ZSWIM5: variants seen among roughly 807,000 people sequenced by gnomAD.
The protein encoded by ZSWIM5 is zinc finger SWIM domain-containing protein 5.
ZSWIM5 carries 55 observed loss-of-function variants against 119.6 expected under a neutral mutation model. The ratio of observed to expected loss-of-function variants is 0.46; its 90% confidence interval spans 0.37 to 0.58. The LOEUF (loss-of-function observed/expected upper bound fraction) is 0.58, where lower values mean the gene tolerates loss of function less well. ZSWIM5 is among the 20% of genes least tolerant of loss of function. The pLI is 0.00. For missense variants in ZSWIM5, 1,193 were observed against 1,512.8 expected, an observed-to-expected ratio of 0.79 and a Z score of 3.51; for synonymous variants, 537 against 606.9, an observed-to-expected ratio of 0.88 and a Z score of 1.69.
intron 1 of ZSWIM5, among the ~76,000 whole-genome samples, chr1:45,133,023 T>C (rs13374521): frequency 0.021 from 3,142 of 152,336 alleles, 116 homozygotes; most frequent in African/African-American, 0.072. Context: ...TTGATGGACA[T>C]TTGGGTTGGT....
At chr1:45,055,373 G>A (rs1279688944) in intron 4 of ZSWIM5, among the ~76,000 whole-genome samples, 1 of 152,148 alleles carries the variant, frequency 6.6e-6, no homozygotes, top group African/African-American at 2.4e-5. Flanking sequence ...TGATCTGCCT[G>A]CCTTGTCCTC....
At chr1:45,070,257 C>A in intron 2 of ZSWIM5, 1 of 1,470,424 alleles carries the variant, frequency 6.8e-7, no homozygotes, top group South Asian at 1.1e-5. Flanking sequence ...AGAACCAACA[C>A]TTGGAGGTTC....
intron 11 of ZSWIM5, among the ~76,000 whole-genome samples, chr1:45,026,809 T>C (rs1287797531): frequency 6.6e-6 from 1 of 152,200 alleles, no homozygotes; most frequent in Non-Finnish European, 1.5e-5. Context: ...ATTCCTTAAA[T>C]ATTTGGTAGA....
At position 45,206,579 on chromosome 1, in the gene ZSWIM5, T is replaced by C. The variant is rs1646194269; in HGVS notation, c.-229A>G. 1.0e-6 allele frequency: 1 copy of C among 979,532 alleles called. No individual in the cohort carries two copies. Among genetic ancestry groups the C allele is most frequent in the Non-Finnish European group, 1.2e-6 (1 of 823,600 alleles). 60.7% of individuals were successfully genotyped at this position (979,532 alleles called of 1,614,324 possible). ...CAGGGTAGCGTGAGGCGGCGCGCGG[T>C]GTCCTGGCCGCCGCGGACGCGAAGA... On this transcript the variant is annotated 5_prime_UTR_variant, in exon 1 of 14. Coordinates refer to ENST00000359600, the MANE Select transcript of ZSWIM5 (RefSeq NM_020883.2).
intron 2 of ZSWIM5, among the ~76,000 whole-genome samples, chr1:45,077,805 G>T (rs1451164447): frequency 6.6e-6 from 1 of 152,148 alleles, no homozygotes; most frequent in Non-Finnish European, 1.5e-5. Flanking sequence ...TCTCAGGGAC[G>T]TTCCATGCTG....
intron 1 of ZSWIM5, among the ~76,000 whole-genome samples, chr1:45,101,347 A>G (rs1405463914): frequency 2.6e-5 from 4 of 152,218 alleles, no homozygotes; most frequent in South Asian, 2.1e-4. Flanking sequence ...ATGAGATACC[A>G]TCTCACACCA....
At chr1:45,172,050 A>T (rs2149045548) in intron 1 of ZSWIM5, among the ~76,000 whole-genome samples, 1 of 152,176 alleles carries the variant, frequency 6.6e-6, no homozygotes, top group East Asian at 1.9e-4. Context: ...AAATCTTCTC[A>T]AATTCACCGT....
intron 1 of ZSWIM5, among the ~76,000 whole-genome samples, chr1:45,147,039 G>A (rs1268256556): frequency 1.3e-5 from 2 of 151,544 alleles, no homozygotes; most frequent in Non-Finnish European, 2.9e-5. Flanking sequence ...AATAACAAGT[G>A]ACATCATCTT....
intron 11 of ZSWIM5, among the ~76,000 whole-genome samples, chr1:45,024,717 C>T (rs923496750): frequency 1.1e-4 from 17 of 151,526 alleles, no homozygotes; most frequent in African/African-American, 3.4e-4. Flanking sequence ...TGCAATGGTG[C>T]GATCTTGGCT....
At chr1:45,163,387 C>G (rs1386378175) in intron 1 of ZSWIM5, among the ~76,000 whole-genome samples, 3 of 152,170 alleles carry the variant, frequency 2.0e-5, no homozygotes, top group Admixed American at 6.5e-5. Flanking sequence ...GGCAGAAAAG[C>G]TGAAAATTCT....
chr1:45,025,174 T>C lies in ZSWIM5; in HGVS notation c.2450-4386A>G, dbSNP rs191691845. 3.3e-5 allele frequency among the ~76,000 whole-genome samples: 5 copies of C among 152,348 alleles called. No homozygotes were observed. The East Asian group carries it at 7.7e-4, about 23-fold the overall frequency. The stretch of plus-strand genomic sequence containing the variant: ...GAGTCTATTTCTGAGCTTTTAATTT[T>C]GTTCCATTGATCTGTTTCTCAGTTT... On this transcript the variant is annotated intron_variant, in intron 11 of 13. Coordinates refer to ENST00000359600, the MANE Select transcript of ZSWIM5 (RefSeq NM_020883.2).
chr1:45,099,508 C>T (rs1185524461), intron 1 of ZSWIM5, among the ~76,000 whole-genome samples: 1 of 152,166 alleles, frequency 6.6e-6, no homozygotes, highest in Non-Finnish European at 1.5e-5. Context: ...GAAACTATTC[C>T]AATCAAGAGA....
At chr1:45,069,426 C>CAAA (rs780000992) in intron 2 of ZSWIM5, among the ~76,000 whole-genome samples, 4 of 103,576 alleles carry the variant, frequency 3.9e-5, no homozygotes, top group African/African-American at 6.8e-5. Flanking sequence ...ACTCCGTCTC[C>CAAA]AAAAAAAAAA....
chr1:45,205,924 G>T lies in ZSWIM5; in HGVS notation c.427C>A (p.Pro143Thr). ...SPAEEGPQPPPGAAAPAGSAP... is the reference protein window; with the variant it reads ...SPAEEGPQPPTGAAAPAGSAP... The stretch of plus-strand genomic sequence containing the variant: ...GAGCCGGCCGGAGCGGCGGCCCCGG[G>T]GGGTGGCTGCGGCCCCTCCTCGGCC... The change falls in exon 1 of 14, where the codon CCC becomes ACC. Residue 143 changes from proline (P) to threonine (T), a missense_variant. Pro to Thr is a conservative substitution (Grantham distance 38, BLOSUM62 -1). Coordinates refer to ENST00000359600, the MANE Select transcript of ZSWIM5 (RefSeq NM_020883.2). The T allele has an allele frequency of 8.9e-7, 1 of 1,120,198 alleles. No individual in the cohort carries two copies. The allele number at this position is 1,120,198 out of a possible 1,614,324, so 69.4% of individuals were successfully genotyped here.
chr1:45,165,707 G>C (rs906699897), intron 1 of ZSWIM5, among the ~76,000 whole-genome samples: 10 of 152,044 alleles, frequency 6.6e-5, no homozygotes, highest in South Asian at 2.1e-4. Flanking sequence ...AAATAAACTA[G>C]AAAATCTAGA....
At chr1:45,022,192 G>A (rs1028239886) in intron 11 of ZSWIM5, among the ~76,000 whole-genome samples, 7 of 149,400 alleles carry the variant, frequency 4.7e-5, no homozygotes, top group African/African-American at 1.2e-4. Context: ...GTGCAGTGGC[G>A]CGATCTTGGC....
At chr1:45,085,532 T>G (rs181365403) in intron 2 of ZSWIM5, among the ~76,000 whole-genome samples, 2,188 of 148,796 alleles carry the variant, frequency 0.015, 20 homozygotes, top group Non-Finnish European at 0.024. Flanking sequence ...TTGTTTGTTT[T>G]TTTTTTTTTT....
At chr1:45,148,920 A>G (rs1645778537) in intron 1 of ZSWIM5, among the ~76,000 whole-genome samples, 1 of 152,230 alleles carries the variant, frequency 6.6e-6, no homozygotes, top group Non-Finnish European at 1.5e-5. Context: ...TCAACACACC[A>G]TAAGATCACA....
chr1:45,017,169 TAA>T lies in ZSWIM5; in HGVS notation c.*1283_*1284del, dbSNP rs1644859100. 1 of 152,110 alleles carries T rather than the reference TAA, an allele frequency of 6.6e-6. No homozygotes were observed. The highest frequency in any genetic ancestry group is 2.4e-5 in the African/African-American group (1 of 41,402). 9.4% of individuals were successfully genotyped at this position (152,110 alleles called of 1,614,324 possible). A position where few individuals can be genotyped will look rare whatever the true frequency, so the allele number is the denominator to read the frequency against. The stretch of plus-strand genomic sequence containing the variant: ...AAACGTTTAGCTGGCGAGAGAGATT[TAA>T]GAGGAATGGGAAAGAGAAATCTGGC... On this transcript the variant is annotated 3_prime_UTR_variant, in exon 14 of 14. Coordinates refer to ENST00000359600, the MANE Select transcript of ZSWIM5 (RefSeq NM_020883.2).
Sources: allele counts gnomAD v4.1 joint callset (sites outside exome capture counted in the v4.1 genomes callset), GRCh38; gene constraint gnomAD v4.1.1; transcripts MANE v1.5; gene names NCBI Gene and HGNC (gene_info 2026-07-23, HGNC 2026-07-21).